TIAM1: variants seen among roughly 807,000 people sequenced by gnomAD.
TIAM1 encodes TIAM Rac1 associated GEF 1, also known as rho guanine nucleotide exchange factor TIAM1.
Under a neutral mutation model 163.5 loss-of-function variants are expected in TIAM1, and 65 were observed. That is an observed-to-expected ratio of 0.40 (90% CI 0.33 to 0.49). TIAM1 has a LOEUF of 0.49. Ranked by LOEUF, TIAM1 falls within the 20% of genes least tolerant of loss-of-function variation. The pLI is 0.77. For synonymous variants in TIAM1, 833 were observed against 810.1 expected (o/e 1.03, Z -0.48); for missense variants, 1,789 against 2,044.7 (o/e 0.87, Z 2.41).
chr21:31,183,321 C>A (rs2085125318), intron 14 of TIAM1, among the ~76,000 whole-genome samples: 1 of 152,160 alleles, frequency 6.6e-6, no homozygotes, highest in Non-Finnish European at 1.5e-5. Context: ...CGACCATGAA[C>A]AAGCCCAACC....
intron 1 of TIAM1, among the ~76,000 whole-genome samples, chr21:31,489,589 G>T (rs1336683080): frequency 2.6e-5 from 4 of 151,146 alleles, no homozygotes; most frequent in Admixed American, 1.3e-4. Context: ...CCCCTTGGCA[G>T]ATGGGAGGGG....
chr21:31,487,568 T>TA (rs34651423), intron 1 of TIAM1, among the ~76,000 whole-genome samples: 1 of 145,702 alleles, frequency 6.9e-6, no homozygotes, highest in Non-Finnish European at 1.5e-5. Flanking sequence ...TTTTTTTTTT[T>TA]GAGACGGAGT....
chr21:31,481,813 G>A (rs2046117164), intron 1 of TIAM1, among the ~76,000 whole-genome samples: 1 of 151,596 alleles, frequency 6.6e-6, no homozygotes, highest in Admixed American at 6.6e-5. Flanking sequence ...GTTGTTTAGA[G>A]ATCTTACAGC....
intron 2 of TIAM1, among the ~76,000 whole-genome samples, chr21:31,413,685 G>T (rs1011091996): frequency 1.3e-5 from 2 of 152,136 alleles, no homozygotes; most frequent in African/African-American, 2.4e-5. Flanking sequence ...AAAAAACAAT[G>T]GGTAAAATGT....
intron 2 of TIAM1, among the ~76,000 whole-genome samples, chr21:31,333,553 T>G (rs2075747046): frequency 6.6e-6 from 1 of 152,114 alleles, no homozygotes; most frequent in Non-Finnish European, 1.5e-5. Context: ...TCCTCCCGCC[T>G]CAGCTTCCTG....
At chr21:31,242,288 G>A (rs2071222491) in intron 6 of TIAM1, among the ~76,000 whole-genome samples, 1 of 152,086 alleles carries the variant, frequency 6.6e-6, no homozygotes, top group Non-Finnish European at 1.5e-5. Context: ...AGGAGGCTGA[G>A]GCAGGAAGAT....
intron 2 of TIAM1, among the ~76,000 whole-genome samples, chr21:31,359,416 T>C (rs1387421953): frequency 1.3e-5 from 2 of 152,072 alleles, no homozygotes; most frequent in East Asian, 3.9e-4. Flanking sequence ...TAGTATTTGC[T>C]CTTCACAAGA....
intron 2 of TIAM1, among the ~76,000 whole-genome samples, chr21:31,288,449 C>G (rs994243978): frequency 1.3e-5 from 2 of 152,110 alleles, no homozygotes; most frequent in Non-Finnish European, 2.9e-5. Context: ...CTGATACATC[C>G]TCTCCTGATA....
At chr21:31,546,238 G>A (rs993300508) in intron 1 of TIAM1, among the ~76,000 whole-genome samples, 4 of 135,514 alleles carry the variant, frequency 3.0e-5, no homozygotes, top group Non-Finnish European at 6.5e-5. Context: ...TACCCAGGTA[G>A]AAGGAAAAAA....
At chr21:31,151,923 G>A (rs2083389853) in intron 19 of TIAM1, among the ~76,000 whole-genome samples, 1 of 151,976 alleles carries the variant, frequency 6.6e-6, no homozygotes, top group Non-Finnish European at 1.5e-5. Context: ...CCGTGTGCTG[G>A]AAGATTGTCT....
chr21:31,487,954 A>G (rs2046333839), intron 1 of TIAM1, among the ~76,000 whole-genome samples: 1 of 152,094 alleles, frequency 6.6e-6, no homozygotes, highest in African/African-American at 2.4e-5. Context: ...GGCCTCCCAA[A>G]GTGCTAGGAT....
chr21:31,499,072 G>A (rs34109741), intron 1 of TIAM1, among the ~76,000 whole-genome samples: 85,228 of 151,670 alleles, frequency 0.56, 24,569 homozygotes, highest in East Asian at 0.85. Flanking sequence ...AAGATGATGG[G>A]ATCTATTTAT....
At chr21:31,182,365 C>G (rs1263651813) in intron 15 of TIAM1, 56 bp downstream of exon 15, 4 of 1,412,460 alleles carry the variant, frequency 2.8e-6, no homozygotes, top group East Asian at 5.1e-5. Context: ...GATAAACTCC[C>G]CGGGTCGTGG....
At chr21:31,301,959 GTA>G (rs1055387364) in intron 2 of TIAM1, among the ~76,000 whole-genome samples, 6 of 150,436 alleles carry the variant, frequency 4.0e-5, no homozygotes, top group East Asian at 1.9e-4. Flanking sequence ...AAATGTGTGT[GTA>G]TATATGTGTG....
chr21:31,499,805 G>C (rs866744614), intron 1 of TIAM1, among the ~76,000 whole-genome samples: 1 of 150,442 alleles, frequency 6.6e-6, no homozygotes, highest in African/African-American at 2.5e-5. Context: ...AGCCAAGATC[G>C]AGCTACTGCA....
At chr21:31,448,109 T>C (rs776317417) in intron 2 of TIAM1, among the ~76,000 whole-genome samples, 3 of 152,140 alleles carry the variant, frequency 2.0e-5, no homozygotes, top group Non-Finnish European at 4.4e-5. Flanking sequence ...AAGGTTCATC[T>C]CATCCAAAAA....
chr21:31,507,673 C>T (rs528580020), intron 1 of TIAM1, among the ~76,000 whole-genome samples: 15 of 152,278 alleles, frequency 9.9e-5, no homozygotes, highest in Admixed American at 5.2e-4. Context: ...TCATGGTCCC[C>T]GTCCTCTTGG....
At chr21:31,127,291 T>G (rs2082237061) in intron 25 of TIAM1, 139 bp from the exon 26 acceptor site, 1 of 754,798 alleles carries the variant, frequency 1.3e-6, no homozygotes. Flanking sequence ...TTCCTACTAT[T>G]TCACAATCTA....
intron 2 of TIAM1, among the ~76,000 whole-genome samples, chr21:31,438,381 A>G (rs938047656): frequency 1.3e-4 from 20 of 151,544 alleles, no homozygotes; most frequent in Non-Finnish European, 4.4e-5. Context: ...TAGTAGAGAC[A>G]GGGTTTTGCC....
Sources: allele counts gnomAD v4.1 joint callset (sites outside exome capture counted in the v4.1 genomes callset), GRCh38; gene constraint gnomAD v4.1.1; transcripts MANE v1.5; gene names NCBI Gene and HGNC (gene_info 2026-07-23, HGNC 2026-07-21).